PRKAG2: variants seen among roughly 807,000 people sequenced by gnomAD.
PRKAG2 encodes the protein protein kinase AMP-activated non-catalytic subunit gamma 2.
PRKAG2 carries 26 observed loss-of-function variants against 69.6 expected under a neutral mutation model. That is an observed-to-expected ratio of 0.37 (90% confidence interval 0.27 to 0.52). The LOEUF (loss-of-function observed/expected upper bound fraction) is 0.52. Among genes scored for constraint, PRKAG2 ranks in the 20% least tolerant of loss-of-function variants. The probability of loss-of-function intolerance (pLI) is 0.90; values close to 1 mark genes in which losing one functional copy is unlikely to be tolerated. For missense variants in PRKAG2, 557 were observed against 740.0 expected, an observed-to-expected ratio of 0.75 and a Z score of 2.87; for synonymous variants, 293 against 285.0, an observed-to-expected ratio of 1.03 and a Z score of -0.28.
chr7:151,632,124 C>T lies in PRKAG2; in HGVS notation c.699G>A (p.Ala233=). The change falls in exon 5 of 16, where the codon GCG becomes GCA. Residue 233 remains alanine (A), a synonymous_variant. Transcript: ENST00000287878. The surrounding 1 kb of genome is among the most constrained non-coding windows in gnomAD (Gnocchi z 4.2). ...YAPSKAAALA[A]ALGPAEAGML... is the part of the protein sequence containing the mutation. ...TGCCGGCTTCCGCGGGTCCCAGGGCCGCCGCCAGCGCCGCCTGAGGGGGAG... is the reference window on the plus strand; with the variant it reads ...TGCCGGCTTCCGCGGGTCCCAGGGCTGCCGCCAGCGCCGCCTGAGGGGGAG... The T allele has an allele frequency of 7.1e-7, 1 of 1,403,192 alleles. No individual in the cohort carries two copies. The highest frequency in any genetic ancestry group is 9.4e-7 in the Non-Finnish European group (1 of 1,064,864). 86.9% of individuals were successfully genotyped at this position (1,403,192 alleles called of 1,614,324 possible). A position where few individuals can be genotyped will look rare whatever the true frequency, so the allele number is the denominator to read the frequency against.
chr7:151,718,281 G>GGC (rs1796489911), intron 3 of PRKAG2, among the ~76,000 whole-genome samples: 1 of 151,960 alleles, frequency 6.6e-6, no homozygotes. Context: ...TGGGTGGAGG[G>GGC]GGGGGTAGAG....
At position 151,850,195 on chromosome 7, in the gene PRKAG2, C is replaced by A. The variant is rs2079535202; in HGVS notation, c.114+26312G>T. Reference sequence around the variant, plus strand: ...CGTAGCACCAATTACCCATAGTGGGCACATCAAATGATTACACAGGGACAG... The same window carrying A: ...CGTAGCACCAATTACCCATAGTGGGAACATCAAATGATTACACAGGGACAG... On this transcript the variant is annotated intron_variant, in intron 1 of 15. Transcript: ENST00000287878. This position sits in a 1 kb window ranked among gnomAD's most constrained non-coding sequence, Gnocchi z 4.1. Among the ~76,000 whole-genome samples the A allele has an allele frequency of 1.3e-5, 2 of 152,188 alleles. No homozygotes were observed. The highest frequency in any genetic ancestry group is 1.3e-4 in the Admixed American group (2 of 15,288).
At chr7:151,693,751 C>G (rs915999948) in intron 3 of PRKAG2, among the ~76,000 whole-genome samples, 1 of 152,182 alleles carries the variant, frequency 6.6e-6, no homozygotes, top group African/African-American at 2.4e-5. Flanking sequence ...AGAGAGACCC[C>G]TCCTCCTTCC....
chr7:151,848,405 G>C (rs773020364), intron 1 of PRKAG2, among the ~76,000 whole-genome samples: 1 of 150,908 alleles, frequency 6.6e-6, no homozygotes, highest in Non-Finnish European at 1.5e-5. Context: ...CCTCGTCTCG[G>C]ACTTTCCAGC....
chr7:151,837,659 C>T (rs561578381), intron 1 of PRKAG2, among the ~76,000 whole-genome samples: 2 of 152,242 alleles, frequency 1.3e-5, no homozygotes, highest in Admixed American at 6.5e-5. Flanking sequence ...GTTCTGAATG[C>T]CACACGCGAG....
intron 9 of PRKAG2, chr7:151,572,461 T>C: frequency 4.3e-6 from 2 of 460,556 alleles, no homozygotes; most frequent in Non-Finnish European, 3.9e-6. Context: ...GTCCTATACA[T>C]GTCTATAAAC....
intron 1 of PRKAG2, among the ~76,000 whole-genome samples, chr7:151,866,107 T>C (rs1010715828): frequency 1.3e-5 from 2 of 151,930 alleles, no homozygotes; most frequent in African/African-American, 2.4e-5. Flanking sequence ...TAACCTTCAA[T>C]GACCTTCATC....
chr7:151,624,818 C>T (rs905710942), intron 5 of PRKAG2, among the ~76,000 whole-genome samples: 5 of 152,140 alleles, frequency 3.3e-5, no homozygotes, highest in Non-Finnish European at 7.4e-5. Context: ...CTTTGATTAG[C>T]GCACCATCAA....
chr7:151,844,559 C>T (rs932670253), intron 1 of PRKAG2, among the ~76,000 whole-genome samples: 1 of 152,102 alleles, frequency 6.6e-6, no homozygotes, highest in African/African-American at 2.4e-5. Flanking sequence ...GTAGGTCATA[C>T]GAAATAGAAA....
intron 9 of PRKAG2, among the ~76,000 whole-genome samples, chr7:151,571,612 T>C (rs1236396795): frequency 6.6e-6 from 1 of 152,220 alleles, no homozygotes; most frequent in African/African-American, 2.4e-5. Flanking sequence ...ACTTAAACCT[T>C]GGTCTATCAG....
intron 1 of PRKAG2, among the ~76,000 whole-genome samples, chr7:151,818,013 C>T (rs1391271910): frequency 1.3e-5 from 2 of 152,152 alleles, no homozygotes; most frequent in Non-Finnish European, 2.9e-5. Context: ...TCCCCCTTTA[C>T]AGGTCCAGCC....
intron 3 of PRKAG2, among the ~76,000 whole-genome samples, chr7:151,745,111 C>T (rs996693075): frequency 3.3e-5 from 5 of 152,096 alleles, no homozygotes; most frequent in Non-Finnish European, 4.4e-5. Flanking sequence ...CATGGGTGGA[C>T]GGCTGCAGAA....
At chr7:151,768,204 C>T (rs1198782928) in intron 3 of PRKAG2, among the ~76,000 whole-genome samples, 1 of 152,150 alleles carries the variant, frequency 6.6e-6, no homozygotes, top group Non-Finnish European at 1.5e-5. Flanking sequence ...TTCCTCAAAG[C>T]CACAGTTCCT....
chr7:151,636,097 C>T (rs565169619), intron 4 of PRKAG2, among the ~76,000 whole-genome samples: 104 of 151,876 alleles, frequency 6.8e-4, no homozygotes, highest in Non-Finnish European at 1.2e-3. Context: ...GTGATCCACC[C>T]GCCTCAGACT....
At chr7:151,822,507 C>T (rs12533239) in intron 1 of PRKAG2, among the ~76,000 whole-genome samples, 65,167 of 152,122 alleles carry the variant, frequency 0.43, 14,234 homozygotes, top group East Asian at 0.63. Flanking sequence ...GAGCACGCGG[C>T]GGCCCAGGTC....
chr7:151,596,738 G>C (rs1307614205), intron 5 of PRKAG2, among the ~76,000 whole-genome samples: 2 of 151,410 alleles, frequency 1.3e-5, no homozygotes, highest in African/African-American at 4.9e-5. Context: ...TACAAAGTGA[G>C]ACTGTCAAAA....
At chr7:151,592,891 T>C (rs1004841815) in intron 6 of PRKAG2, among the ~76,000 whole-genome samples, 1 of 152,186 alleles carries the variant, frequency 6.6e-6, no homozygotes, top group African/African-American at 2.4e-5. Context: ...CCTTTTCAAA[T>C]ACATCTTTTT....
intron 3 of PRKAG2, among the ~76,000 whole-genome samples, chr7:151,743,352 C>A (rs1251639359): frequency 6.6e-6 from 1 of 152,090 alleles, no homozygotes; most frequent in African/African-American, 2.4e-5. Context: ...TTAGCAGTGC[C>A]CCGTGCTGTG....
chr7:151,832,667 C>T (rs547083975), intron 1 of PRKAG2, among the ~76,000 whole-genome samples: 6 of 151,364 alleles, frequency 4.0e-5, no homozygotes, highest in African/African-American at 1.2e-4. Context: ...TGCAAAGGAA[C>T]GCAGGATCCA....
Sources: allele counts gnomAD v4.1 joint callset (sites outside exome capture counted in the v4.1 genomes callset), GRCh38; gene constraint gnomAD v4.1.1; non-coding constraint Gnocchi (gnomAD v3.1); transcripts MANE v1.5; gene names NCBI Gene and HGNC (gene_info 2026-07-23, HGNC 2026-07-21).